Variants in POT1 observed in about 807,000 individuals in gnomAD.
POT1 encodes the protein protection of telomeres protein 1.
A neutral mutation model predicts 78.5 loss-of-function variants in POT1; 47 were observed. The observed-to-expected ratio is 0.60, with a 90% confidence interval of 0.47 to 0.76. POT1 has a LOEUF of 0.76. Among genes scored for constraint, POT1 ranks in the 30% least tolerant of loss-of-function variants. The pLI is 0.00. For missense variants in POT1, 646 were observed against 749.9 expected (o/e 0.86, Z 1.62); for synonymous variants, 259 against 260.7 (o/e 0.99, Z 0.06).
chr7:124,925,807 C>T (rs1256520507), intron 2 of POT1, among the ~76,000 whole-genome samples: 1 of 152,054 alleles, frequency 6.6e-6, no homozygotes, highest in Non-Finnish European at 1.5e-5. Flanking sequence ...AAGTCAAATA[C>T]TTACAGCCAA....
At chr7:124,929,568 A>T (rs894569017) in intron 1 of POT1, 2 of 152,142 alleles carry the variant, frequency 1.3e-5, no homozygotes, top group Admixed American at 1.3e-4. Context: ...CCTTCCCCCA[A>T]GCCACCTGAG....
chr7:124,832,326 C>A (rs969463283), intron 15 of POT1, among the ~76,000 whole-genome samples: 1 of 148,096 alleles, frequency 6.8e-6, no homozygotes, highest in Non-Finnish European at 1.5e-5. Flanking sequence ...ATGGTGGATA[C>A]GTAATTGTTG....
chr7:124,924,794 A>G (rs1797234722), intron 2 of POT1, among the ~76,000 whole-genome samples: 1 of 152,108 alleles, frequency 6.6e-6, no homozygotes, highest in African/African-American at 2.4e-5. Context: ...TCAGGGACGC[A>G]AGAATAGTTC....
intron 6 of POT1, among the ~76,000 whole-genome samples, chr7:124,874,294 C>A (rs750230558): frequency 6.6e-6 from 1 of 152,154 alleles, no homozygotes; most frequent in Non-Finnish European, 1.5e-5. Context: ...TATGCCCTAA[C>A]AAGTACTATT....
At chr7:124,824,665 T>C (rs932034123) in intron 18 of POT1, among the ~76,000 whole-genome samples, 3 of 152,046 alleles carry the variant, frequency 2.0e-5, no homozygotes, top group Non-Finnish European at 2.9e-5. Flanking sequence ...AAAATCAAAA[T>C]TGTCTTAATA....
intron 2 of POT1, among the ~76,000 whole-genome samples, chr7:124,920,382 A>G (rs939181449): frequency 6.6e-6 from 1 of 152,180 alleles, no homozygotes; most frequent in Non-Finnish European, 1.5e-5. Context: ...ACAAAAAAAC[A>G]GTGTCAGGAA....
At chr7:124,914,956 C>T (rs1796982527) in intron 3 of POT1, among the ~76,000 whole-genome samples, 1 of 152,102 alleles carries the variant, frequency 6.6e-6, no homozygotes, top group Admixed American at 6.6e-5. Flanking sequence ...TTTCTCATAA[C>T]TCCCCTATGC....
intron 15 of POT1, among the ~76,000 whole-genome samples, chr7:124,830,874 A>G (rs950946521): frequency 1.3e-5 from 2 of 152,218 alleles, no homozygotes; most frequent in African/African-American, 4.8e-5. Flanking sequence ...CACTAGAAGT[A>G]TGGATGAAAC....
intron 7 of POT1, among the ~76,000 whole-genome samples, chr7:124,865,976 A>G (rs1207490944): frequency 6.6e-6 from 1 of 152,046 alleles, no homozygotes; most frequent in East Asian, 1.9e-4. Context: ...CATGTAGAAT[A>G]TATCTTTTTT....
chr7:124,916,090 T>G (rs1797008134), intron 2 of POT1, among the ~76,000 whole-genome samples: 1 of 152,166 alleles, frequency 6.6e-6, no homozygotes, highest in South Asian at 2.1e-4. Flanking sequence ...CAGTTTAGTC[T>G]TTGTTCAGTT....
intron 6 of POT1, among the ~76,000 whole-genome samples, chr7:124,872,371 TCA>T (rs907957758): frequency 3.8e-4 from 58 of 152,332 alleles, no homozygotes; most frequent in African/African-American, 1.3e-3. Flanking sequence ...TTCCACAGTT[TCA>T]GTTTCCTGCA....
chr7:124,879,426 T>A (rs1171304969), intron 6 of POT1, among the ~76,000 whole-genome samples: 1 of 152,170 alleles, frequency 6.6e-6, no homozygotes, highest in Non-Finnish European at 1.5e-5. Flanking sequence ...TGCCTGTCTG[T>A]GCCACGGTTT....
At chr7:124,926,263 A>G (rs1797269976) in intron 2 of POT1, among the ~76,000 whole-genome samples, 1 of 152,198 alleles carries the variant, frequency 6.6e-6, no homozygotes, top group Admixed American at 6.5e-5. Flanking sequence ...AAATAAGCCC[A>G]TTAAAAAGTG....
chr7:124,853,295 A>AT (rs1229534544), intron 9 of POT1, 157 bp from the exon 10 acceptor site: 2 of 581,400 alleles, frequency 3.4e-6, no homozygotes, highest in Non-Finnish European at 6.0e-6. Flanking sequence ...GTGTGGTTGA[A>AT]TATCAGCTGC....
At chr7:124,912,329 T>G (rs955109583) in intron 3 of POT1, among the ~76,000 whole-genome samples, 1 of 152,072 alleles carries the variant, frequency 6.6e-6, no homozygotes, top group Non-Finnish European at 1.5e-5. Flanking sequence ...GAGCCTCTCC[T>G]TGACATAAAT....
intron 9 of POT1, among the ~76,000 whole-genome samples, chr7:124,857,202 T>C (rs1795467444): frequency 6.6e-6 from 1 of 152,244 alleles, no homozygotes; most frequent in African/African-American, 2.4e-5. Flanking sequence ...TCACTCTTAC[T>C]GTTTTCTTTT....
intron 7 of POT1, among the ~76,000 whole-genome samples, chr7:124,867,251 T>A (rs966140805): frequency 6.6e-6 from 1 of 151,950 alleles, no homozygotes; most frequent in Non-Finnish European, 1.5e-5. Flanking sequence ...TTCTAAAGAA[T>A]ATCTTTGCCT....
At chr7:124,854,573 C>T (rs1463010944) in intron 9 of POT1, among the ~76,000 whole-genome samples, 1 of 151,940 alleles carries the variant, frequency 6.6e-6, no homozygotes, top group Non-Finnish European at 1.5e-5. Flanking sequence ...AAAACCCACA[C>T]TCCCAGGTGC....
chr7:124,898,638 T>A (rs1350254859), intron 3 of POT1, among the ~76,000 whole-genome samples: 1 of 151,936 alleles, frequency 6.6e-6, no homozygotes, highest in Non-Finnish European at 1.5e-5. Flanking sequence ...AAATGCTAAA[T>A]CACTAAGAAA....
Sources: allele counts gnomAD v4.1 joint callset (sites outside exome capture counted in the v4.1 genomes callset), GRCh38; gene constraint gnomAD v4.1.1; transcripts MANE v1.5; gene names NCBI Gene and HGNC (gene_info 2026-07-23, HGNC 2026-07-21).